ZNF627: variants seen among roughly 807,000 people sequenced by gnomAD.
ZNF627 encodes zinc finger protein 627.
Under a neutral mutation model 10.6 loss-of-function variants are expected in ZNF627, and 12 were observed. The observed-to-expected ratio is 1.13, with a 90% CI of 0.73 to 1.84. The LOEUF (loss-of-function observed/expected upper bound fraction) is 1.84. Among genes scored for constraint, ZNF627 ranks in the 40% most tolerant of loss-of-function variants. The pLI is 0.00. For missense variants in ZNF627, 504 were observed against 568.4 expected, an observed-to-expected ratio of 0.89 and a Z score of 1.15; for synonymous variants, 176 against 187.1, an observed-to-expected ratio of 0.94 and a Z score of 0.48.
At chr19:11,602,292 C>G (rs988415158) in intron 1 of ZNF627, among the ~76,000 whole-genome samples, 1 of 152,106 alleles carries the variant, frequency 6.6e-6, no homozygotes, top group Non-Finnish European at 1.5e-5. Flanking sequence ...TGACTGATCA[C>G]TGAAGACAGA....
intron 1 of ZNF627, among the ~76,000 whole-genome samples, chr19:11,610,248 T>C (rs1338631466): frequency 6.6e-6 from 1 of 152,048 alleles, no homozygotes; most frequent in Non-Finnish European, 1.5e-5. Context: ...GGGGGCATTC[T>C]CAATTCCCCA....
In ZNF627 at chr19:11,616,689, G is replaced by A. The variant is rs746323103; in HGVS notation, c.192-6G>A. The A allele has an allele frequency of 1.8e-5, 27 of 1,538,886 alleles. No homozygotes were observed. The highest frequency in any genetic ancestry group is 6.3e-5 in the South Asian group (5 of 79,326). Reference sequence around the variant, plus strand: ...TTAATAATGTACTTCTCATTTTTCTGACAAGTCATATTCCAGAGAGACTCT... The same window carrying A: ...TTAATAATGTACTTCTCATTTTTCTAACAAGTCATATTCCAGAGAGACTCT... On this transcript the variant is annotated splice_region_variant and splice_polypyrimidine_tract_variant and intron_variant, in intron 3 of 3. Coordinates refer to ENST00000361113, the MANE Select transcript of ZNF627 (RefSeq NM_145295.4).
chr19:11,603,423 A>AG (rs1280672697), intron 1 of ZNF627, among the ~76,000 whole-genome samples: 1 of 150,922 alleles, frequency 6.6e-6, no homozygotes. Flanking sequence ...CTAGGACTAC[A>AG]GGTGCACAGT....
rs541986365 is a variant in ZNF627, at chr19:11,617,911, G to GA, written c.*25dup. ...ATGAGCATGAAAGGAGTCACATAGA[G>GA]AAACCCCATGAAAGTAAGAAATTTG... On this transcript the variant is annotated 3_prime_UTR_variant, in exon 4 of 4. Transcript: ENST00000361113. The GA allele has an allele frequency of 6.7e-5, 100 of 1,497,786 alleles. No individual in the cohort carries two copies. In the African/African-American group the frequency reaches 1.3e-3, roughly 20 times the overall value. 92.8% of individuals were successfully genotyped at this position (1,497,786 alleles called of 1,614,324 possible).
intron 1 of ZNF627, among the ~76,000 whole-genome samples, chr19:11,602,913 T>G (rs1973612058): frequency 6.6e-6 from 1 of 152,146 alleles, no homozygotes. Flanking sequence ...ACTACCCAGG[T>G]TCATAAATGG....
chr19:11,610,734 A>G (rs1973759905), intron 1 of ZNF627, among the ~76,000 whole-genome samples: 1 of 152,164 alleles, frequency 6.6e-6, no homozygotes, highest in Admixed American at 6.6e-5. Context: ...GATTTTGCCT[A>G]AGTTTCTTCC....
At chr19:11,610,133 C>T (rs1222209125) in intron 1 of ZNF627, among the ~76,000 whole-genome samples, 1 of 149,122 alleles carries the variant, frequency 6.7e-6, no homozygotes, top group Non-Finnish European at 1.5e-5. Flanking sequence ...CTCACTGCAA[C>T]CTCCGCCTCC....
intron 1 of ZNF627, among the ~76,000 whole-genome samples, chr19:11,603,375 G>A (rs1027467789): frequency 1.4e-5 from 2 of 144,910 alleles, no homozygotes; most frequent in Admixed American, 1.5e-4. Flanking sequence ...CTCTGCCTCC[G>A]GGCTCAAGTG....
intron 1 of ZNF627, among the ~76,000 whole-genome samples, chr19:11,608,406 T>C (rs988275182): frequency 5.3e-5 from 8 of 152,260 alleles, no homozygotes; most frequent in African/African-American, 1.9e-4. Context: ...TCTTCAATTA[T>C]GTCTCCCCCA....
At chr19:11,604,408 C>T (rs976957216) in intron 1 of ZNF627, 1 of 152,188 alleles carries the variant, frequency 6.6e-6, no homozygotes, top group Non-Finnish European at 1.5e-5. Context: ...CCTCCTGGAC[C>T]TCTCTCTGGG....
At chr19:11,612,929 A>G (rs1973797906) in intron 1 of ZNF627, among the ~76,000 whole-genome samples, 3 of 150,806 alleles carry the variant, frequency 2.0e-5, no homozygotes, top group African/African-American at 7.3e-5. Context: ...CAACCCTCCC[A>G]CTTCAAGTAG....
intron 1 of ZNF627, among the ~76,000 whole-genome samples, chr19:11,604,863 G>A (rs1488037903): frequency 2.0e-5 from 3 of 152,038 alleles, no homozygotes; most frequent in Non-Finnish European, 4.4e-5. Context: ...GGGAGAGAAT[G>A]GAACTTGGTT....
chr19:11,599,535 C>T (rs12151062), intron 1 of ZNF627, among the ~76,000 whole-genome samples: 24,110 of 152,110 alleles, frequency 0.16, 2,103 homozygotes, highest in South Asian at 0.2. Flanking sequence ...AGGCAAAATG[C>T]AGTGTCTCTT....
At chr19:11,609,099 G>A (rs1042562980) in intron 1 of ZNF627, among the ~76,000 whole-genome samples, 9 of 152,028 alleles carry the variant, frequency 5.9e-5, no homozygotes, top group African/African-American at 2.2e-4. Context: ...TTGAACTCTT[G>A]AGCTCAAGCT....
chr19:11,597,660 C>T (rs1268336386), intron 1 of ZNF627, 30 bp downstream of exon 1: 41 of 1,338,860 alleles, frequency 3.1e-5, no homozygotes, highest in Non-Finnish European at 3.9e-5. Flanking sequence ...CGTCCCCAGA[C>T]CTGGGGGAGG....
Position 11,616,958 on chromosome 19 carries a change from G to C in ZNF627, c.455G>C (p.Arg152Pro), listed in dbSNP as rs868558324. The C allele has an allele frequency of 6.2e-7, 1 of 1,614,132 alleles. No individual in the cohort carries two copies. Among genetic ancestry groups the C allele is most frequent in the Non-Finnish European group, 8.5e-7 (1 of 1,180,022 alleles). Residue 152 changes from arginine (R) to proline (P), a missense_variant, in exon 4 of 4, where the codon CGC becomes CCC. Coordinates refer to ENST00000361113, the MANE Select transcript of ZNF627 (RefSeq NM_145295.4). ...NQCGRALSYH[R>P]SFPVRERTHP... ...TGTGGACGAGCCTTGAGTTATCATC[G>C]CTCTTTTCCAGTACGTGAAAGGACT...
At position 11,614,902 on chromosome 19, in the gene ZNF627, C is replaced by A. The variant is rs905476517; in HGVS notation, c.191+15C>A. 12 of 1,557,558 alleles carry A rather than the reference C, an allele frequency of 7.7e-6. No individual in the cohort carries two copies. The highest frequency in any genetic ancestry group is 9.6e-6 in the Non-Finnish European group (11 of 1,143,660). On this transcript the variant is annotated intron_variant, in intron 3 of 3. Transcript: ENST00000361113. ...AGAAATATAAGGTAATTTGCACTCA[C>A]AAAAGAAAGTTCTGTTCCTTGAGAG... is the stretch of plus-strand genomic sequence containing the variant.
At chr19:11,602,739 A>G (rs979847186) in intron 1 of ZNF627, among the ~76,000 whole-genome samples, 5 of 152,234 alleles carry the variant, frequency 3.3e-5, no homozygotes, top group Admixed American at 6.5e-5. Context: ...AGCAAACACC[A>G]CACATTTGGT....
chr19:11,614,669 T>A lies in ZNF627; in HGVS notation c.130+16T>A. On this transcript the variant is annotated intron_variant, in intron 2 of 3. Coordinates refer to ENST00000361113, the MANE Select transcript of ZNF627 (RefSeq NM_145295.4). ...GCTTCTGTAGGTAAGGGTGACAATA[T>A]TCCTTTCCTCAGTGAATTAGAGAAC... 1.2e-6 allele frequency: 2 copies of A among 1,613,720 alleles called. No homozygotes were observed. The highest frequency in any genetic ancestry group is 2.2e-5 in the South Asian group (2 of 91,064).
Sources: gnomAD v4.1 joint callset for allele counts (sites outside exome capture counted in the v4.1 genomes callset) on GRCh38, gnomAD v4.1.1 for gene constraint, MANE v1.5 for transcripts, NCBI Gene and HGNC (gene_info 2026-07-23, HGNC 2026-07-21) for gene names.